Variants in RMST observed in about 807,000 individuals in gnomAD.
The protein encoded by RMST is long intergenic non-protein coding RNA 54.
At chr12:97,510,166 CA>C (rs1176981509) in intron 10 of RMST, among the ~76,000 whole-genome samples, 1 of 152,164 alleles carries the variant, frequency 6.6e-6, no homozygotes, top group African/African-American at 2.4e-5. Context: ...CAAAGAAATA[CA>C]TTTAATTAAC....
At chr12:97,550,392 C>CAAAT (rs1224626350) in intron 11 of RMST, among the ~76,000 whole-genome samples, 16 of 151,912 alleles carry the variant, frequency 1.1e-4, no homozygotes, top group African/African-American at 2.4e-4. Context: ...AACTCTGTCT[C>CAAAT]AAATAAATAA....
intron 11 of RMST, chr12:97,532,590 T>TGTCA: frequency 6.6e-6 from 1 of 151,164 alleles, no homozygotes; most frequent in South Asian, 2.1e-4. Context: ...GTTGGAGTAT[T>TGTCA]GAAGGTCTGT....
At chr12:97,524,007 C>A (rs10128852) in intron 10 of RMST, among the ~76,000 whole-genome samples, 13,714 of 134,130 alleles carry the variant, frequency 0.1, 956 homozygotes, top group African/African-American at 0.21. Context: ...CCCCGGGAGG[C>A]GGAGCTTGCA....
rs568775107 is a variant in RMST at position 97,478,986 on chromosome 12, A to G, written n.644+13259A>G. 5.9e-5 allele frequency among the ~76,000 whole-genome samples: 9 copies of G among 152,162 alleles called. No homozygotes were observed. The South Asian group carries it at 1.9e-3, about 32-fold the overall frequency. The stretch of plus-strand genomic sequence containing the variant: ...CACCAGTGCTCCGTGGCTCAAGTGC[A>G]TCCATCCATCCTCATGTTTCTTTTG... On this transcript the variant is annotated intron_variant and non_coding_transcript_variant, in intron 5 of 13. Coordinates refer to ENST00000640149, the Ensembl canonical transcript of RMST.
intron 4 of RMST, among the ~76,000 whole-genome samples, chr12:97,465,391 T>G (rs1255707230): frequency 6.6e-6 from 1 of 152,182 alleles, no homozygotes; most frequent in Admixed American, 6.5e-5. Flanking sequence ...TGTAGAACCT[T>G]GTTAGAAAGG....
intron 3 of RMST, chr12:97,463,040 T>TCTCTCTCTCTCTCTCTCTCTCC: frequency 6.6e-6 from 1 of 151,620 alleles, no homozygotes; most frequent in South Asian, 2.1e-4. Flanking sequence ...TCTCTCTCTC[T>TCTCTCTCTCTCTCTCTCTCTCC]CTCTCTCTCT....
intron 5 of RMST, among the ~76,000 whole-genome samples, chr12:97,480,078 T>C (rs1207244082): frequency 9.0e-6 from 1 of 110,892 alleles, no homozygotes; most frequent in Non-Finnish European, 2.1e-5. Context: ...TTTTCTTTTC[T>C]TTTCTTTTTT....
chr12:97,534,030 T>C (rs187255901), intron 11 of RMST, among the ~76,000 whole-genome samples: 3 of 151,874 alleles, frequency 2.0e-5, no homozygotes, highest in Admixed American at 6.6e-5. Flanking sequence ...CTCCAGAGAG[T>C]TGGATAATAC....
Position 97,497,679 on chromosome 12 carries a change from A to ATT in RMST, n.1340+1635_1340+1636dup, listed in dbSNP as rs113722074. Among the ~76,000 whole-genome samples the ATT allele has an allele frequency of 2.2e-3, 314 of 143,112 alleles. 2 individuals are homozygous for ATT. The highest frequency in any genetic ancestry group is 6.9e-3 in the African/African-American group (272 of 39,544). The allele number at this position is 143,112 out of a possible 152,430, so 93.9% of individuals were successfully genotyped here. A position where few individuals can be genotyped will look rare whatever the true frequency, so the allele number is the denominator to read the frequency against. ...TTTAGAGAGGTAGGGCACAAGGATGATTTTTTTTTTTTTGCCTTTCTTTTT... is the reference window on the plus strand; with the variant it reads ...TTTAGAGAGGTAGGGCACAAGGATGATTTTTTTTTTTTTTTGCCTTTCTTTTT... On this transcript the variant is annotated intron_variant and non_coding_transcript_variant, in intron 10 of 13. Transcript: ENST00000640149.
chr12:97,463,739 C>T (rs1238655269), intron 4 of RMST, among the ~76,000 whole-genome samples: 2 of 152,106 alleles, frequency 1.3e-5, no homozygotes, highest in African/African-American at 4.8e-5. Flanking sequence ...TCTACGTGAG[C>T]TGTCACAAAA....
chr12:97,470,082 T>C (rs1002918196), intron 5 of RMST, among the ~76,000 whole-genome samples: 2 of 152,140 alleles, frequency 1.3e-5, no homozygotes, highest in Non-Finnish European at 2.9e-5. Flanking sequence ...TGCCACTGCC[T>C]TCTCAAAGCC....
At chr12:97,499,615 CTTCTTTTTCTTTTTTT>C (rs1415327523) in intron 10 of RMST, among the ~76,000 whole-genome samples, 13 of 149,416 alleles carry the variant, frequency 8.7e-5, no homozygotes, top group East Asian at 5.9e-4. Flanking sequence ...TTTATGTTTT[CTTCTTTTTCTTTTTTT>C]TTCTTTTTCT....
intron 5 of RMST, among the ~76,000 whole-genome samples, chr12:97,487,773 A>C (rs539490856): frequency 6.6e-6 from 1 of 152,274 alleles, no homozygotes; most frequent in South Asian, 2.1e-4. Context: ...CCAGGTTGCC[A>C]TGTTTAGCTC....
intron 11 of RMST, among the ~76,000 whole-genome samples, chr12:97,538,399 C>T (rs563139513): frequency 2.6e-5 from 4 of 151,376 alleles, no homozygotes; most frequent in Non-Finnish European, 4.4e-5. Context: ...TGAAAGAAAG[C>T]GTTAATCTTT....
At chr12:97,509,527 AG>A (rs1324690638) in intron 10 of RMST, among the ~76,000 whole-genome samples, 4 of 152,168 alleles carry the variant, frequency 2.6e-5, no homozygotes, top group African/African-American at 9.7e-5. Flanking sequence ...TTGTAGGGGA[AG>A]TCACCTTATA....
intron 10 of RMST, among the ~76,000 whole-genome samples, chr12:97,511,392 A>C (rs1592709603): frequency 6.6e-6 from 1 of 152,044 alleles, no homozygotes; most frequent in African/African-American, 2.4e-5. Context: ...CAAGTGATCC[A>C]CCTGCCTCGG....
chr12:97,546,339 T>C (rs1177412609), intron 11 of RMST, among the ~76,000 whole-genome samples: 1 of 152,164 alleles, frequency 6.6e-6, no homozygotes, highest in Non-Finnish European at 1.5e-5. Context: ...TCCAACACTT[T>C]GGGAGGCCAA....
At chr12:97,533,620 T>C (rs1451569427) in intron 11 of RMST, 2 of 151,894 alleles carry the variant, frequency 1.3e-5, no homozygotes, top group African/African-American at 2.4e-5. Context: ...TTCAAAAAAC[T>C]GTTTCCATTT....
intron 11 of RMST, among the ~76,000 whole-genome samples, chr12:97,540,254 A>T (rs1237819602): frequency 6.6e-6 from 1 of 151,736 alleles, no homozygotes; most frequent in Middle Eastern, 3.2e-3. Flanking sequence ...GGTTACCATG[A>T]ATAAAAACTA....
Sources: allele counts gnomAD v4.1 joint callset (sites outside exome capture counted in the v4.1 genomes callset), GRCh38; gene constraint gnomAD v4.1.1; transcripts MANE v1.5; gene names NCBI Gene and HGNC (gene_info 2026-07-23, HGNC 2026-07-21).